The following WT1 variants were observed in gnomAD, a reference collection of about 807,000 sequenced individuals.
The protein encoded by WT1 is Wilms tumor protein.
A neutral mutation model predicts 60.8 loss-of-function variants in WT1; 8 were observed. That is an observed-to-expected ratio of 0.13 (90% CI 0.08 to 0.24). The LOEUF (loss-of-function observed/expected upper bound fraction) is 0.24, where lower values mean the gene tolerates loss of function less well. Ranked by LOEUF, WT1 falls within the 10% of genes least tolerant of loss-of-function variation. WT1 has a pLI of 1.00. For synonymous variants in WT1, 312 were observed against 297.1 expected, an observed-to-expected ratio of 1.05 and a Z score of -0.52; for missense variants, 568 against 711.8, an observed-to-expected ratio of 0.80 and a Z score of 2.30.
intron 5 of WT1, among the ~76,000 whole-genome samples, chr11:32,401,914 A>G (rs1404234631): frequency 6.6e-6 from 1 of 152,098 alleles, no homozygotes; most frequent in Non-Finnish European, 1.5e-5. Context: ...CTCTGCCTCC[A>G]TTACTCTAAC....
rs1190263054 is a variant in WT1, at chr11:32,428,559, G to A, written c.722C>T (p.Ala241Val). The A allele has an allele frequency of 6.2e-7, 1 of 1,614,008 alleles. No homozygotes were observed. The highest frequency in any genetic ancestry group is 8.5e-7 in the Non-Finnish European group (1 of 1,180,030). The change falls in exon 2 of 10, where the codon GCG becomes GTG. Residue 241 changes from alanine to valine, a missense_variant. Physicochemically the swap from Ala to Val is moderately conservative, Grantham distance 64. Around this residue, in one of 3 missense-constraint regions of WT1, gnomAD observed 523 missense variants for 565.1 expected, o/e 0.93. Transcript: ENST00000452863. ...GAATGAGTGGTTGGGGAACTGCGCC[G>A]CATGGTGCGAGGGCGTGTGACCGTA...
chr11:32,432,954 C>G (rs1202414177), intron 1 of WT1, among the ~76,000 whole-genome samples: 2 of 152,228 alleles, frequency 1.3e-5, no homozygotes, highest in African/African-American at 4.8e-5. Context: ...ACAGTGCTCT[C>G]GGATTCATTG....
At chr11:32,423,015 G>A (rs546290818) in intron 3 of WT1, among the ~76,000 whole-genome samples, 13 of 152,216 alleles carry the variant, frequency 8.5e-5, no homozygotes, top group Non-Finnish European at 1.9e-4. Flanking sequence ...TATAGTCAAG[G>A]ACTGGGGTCT....
rs192144790 is a variant in WT1 at position 32,397,473 on chromosome 11, G to A, written c.1114-1066C>T. ...TGGGACAACAGGTGAGAGTCATCAT[G>A]CCCAGCTAATTTTTTTTTTTTTTTT... On this transcript the variant is annotated intron_variant, in intron 6 of 9. Transcript: ENST00000452863. Among the ~76,000 whole-genome samples the A allele has an allele frequency of 1.7e-3, 245 of 144,898 alleles. 1 individual carries two copies. Among genetic ancestry groups the A allele is most frequent in the African/African-American group, 6.3e-3 (240 of 37,920 alleles).
rs762288656 is a variant in WT1 at position 32,435,237 on chromosome 11, C to T, written c.124G>A (p.Gly42Ser). 72 of 1,535,656 alleles carry T rather than the reference C, an allele frequency of 4.7e-5. No homozygotes were observed. Among genetic ancestry groups the T allele is most frequent in the Non-Finnish European group, 1.5e-5 (17 of 1,147,122 alleles). Reference sequence around the variant, plus strand: ...GCGCCTAACTTGGCCCAGATGCCGCCCGGGTCCCGGACTCCCTGCTGCTCT... The same window carrying T: ...GCGCCTAACTTGGCCCAGATGCCGCTCGGGTCCCGGACTCCCTGCTGCTCT... The change falls in exon 1 of 10, where the codon GGC becomes AGC. Residue 42 changes from glycine to serine, a missense_variant. By Grantham distance (56) the Gly-to-Ser change is moderately conservative. Transcript: ENST00000452863.
At chr11:32,430,491 A>AGAGAGAGAGAGAGAGGGAGG (rs757737927) in intron 1 of WT1, 2 of 1,527,770 alleles carry the variant, frequency 1.3e-6, no homozygotes, top group African/African-American at 2.9e-5. Context: ...AGAGAGAGAG[A>AGAGAGAGAGAGAGAGGGAGG]CGAAATAGAA....
At chr11:32,430,295 C>CTGAGGCCTGGCCTTCTT (rs1318600135) in intron 1 of WT1, among the ~76,000 whole-genome samples, 1 of 152,070 alleles carries the variant, frequency 6.6e-6, no homozygotes, top group Non-Finnish European at 1.5e-5. Context: ...CTTTTGAAAC[C>CTGAGGCCTGGCCTTCTT]TGAGGCCTGG....
intron 5 of WT1, among the ~76,000 whole-genome samples, chr11:32,414,519 C>T (rs113510018): frequency 1.8e-3 from 270 of 152,342 alleles, no homozygotes; most frequent in African/African-American, 6.1e-3. Context: ...AAGTGATCCA[C>T]CCACCTCAGC....
At chr11:32,403,130 T>A (rs989400386) in intron 5 of WT1, among the ~76,000 whole-genome samples, 4 of 151,596 alleles carry the variant, frequency 2.6e-5, no homozygotes, top group African/African-American at 9.7e-5. Context: ...AATATGCCAG[T>A]GGATTCTCCT....
chr11:32,429,692 A>C (rs1853205251), intron 1 of WT1, among the ~76,000 whole-genome samples: 1 of 152,108 alleles, frequency 6.6e-6, no homozygotes, highest in African/African-American at 2.4e-5. Flanking sequence ...CCTGAAGTCC[A>C]GACACAATGG....
At chr11:32,404,798 G>A (rs1477819346) in intron 5 of WT1, among the ~76,000 whole-genome samples, 5 of 152,158 alleles carry the variant, frequency 3.3e-5, no homozygotes, top group East Asian at 1.9e-4. Flanking sequence ...ACTTGGGCAC[G>A]TGTCTTGCAT....
At chr11:32,428,699 G>GT (rs536366152) in intron 1 of WT1, 80 bp from the exon 2 acceptor site, 2 of 1,370,542 alleles carry the variant, frequency 1.5e-6, no homozygotes, top group African/African-American at 5.0e-5. Context: ...AGCCACGGGC[G>GT]GGGGGGGTGT....
rs16923254 is a variant in WT1, at chr11:32,413,028, A to T, written c.1016+3462T>A. ...CATCTAATGAAAGATGTCTCCGTGG[A>T]CTTGCTTGGGATACAAGGAAACAAA... On this transcript the variant is annotated intron_variant, in intron 5 of 9. Transcript: ENST00000452863. Among the ~76,000 whole-genome samples, 508 of 152,264 alleles carry T rather than the reference A, an allele frequency of 3.3e-3. 2 individuals are homozygous for T. The highest frequency in any genetic ancestry group is 0.012 in the African/African-American group (486 of 41,552).
intron 5 of WT1, among the ~76,000 whole-genome samples, chr11:32,404,167 G>A (rs1358643199): frequency 6.6e-6 from 1 of 151,388 alleles, no homozygotes; most frequent in Non-Finnish European, 1.5e-5. Context: ...CTGCTTGGGA[G>A]GCTGAGGCAG....
intron 1 of WT1, 78 bp downstream of exon 1, chr11:32,434,622 G>A: frequency 1.2e-6 from 2 of 1,606,130 alleles, no homozygotes; most frequent in South Asian, 2.2e-5. Context: ...AAAAGGGGTA[G>A]GAGAGGGGGG....
At chr11:32,427,358 G>C (rs941927380) in intron 3 of WT1, among the ~76,000 whole-genome samples, 14 of 152,218 alleles carry the variant, frequency 9.2e-5, no homozygotes, top group Non-Finnish European at 1.9e-4. Context: ...CCGCTCACAG[G>C]AAGAAGGTCC....
chr11:32,395,343 C>T (rs944342469), intron 7 of WT1, among the ~76,000 whole-genome samples: 8 of 152,258 alleles, frequency 5.3e-5, no homozygotes, highest in African/African-American at 1.9e-4. Flanking sequence ...TGTGACATGG[C>T]TGTCCACATT....
intron 3 of WT1, among the ~76,000 whole-genome samples, chr11:32,427,280 G>A (rs1203255605): frequency 6.6e-6 from 1 of 152,250 alleles, no homozygotes; most frequent in Non-Finnish European, 1.5e-5. Context: ...AAGGTGGAGC[G>A]AGAGGCGAGA....
chr11:32,407,937 G>A lies in WT1; in HGVS notation c.1017-7893C>T, dbSNP rs1022240698. On this transcript the variant is annotated intron_variant, in intron 5 of 9. Coordinates refer to ENST00000452863, the MANE Select transcript of WT1 (RefSeq NM_024426.6). ...CGAATCAAGCCTCTAGGAAATACAG[G>A]GGAGGCCAGGCGCGGTGGATCATGC... 5.9e-5 allele frequency among the ~76,000 whole-genome samples: 9 copies of A among 152,172 alleles called. No individual in the cohort carries two copies. In the South Asian group the frequency reaches 6.2e-4, roughly 11 times the overall value.
Sources: gnomAD v4.1 joint callset for allele counts (sites outside exome capture counted in the v4.1 genomes callset) on GRCh38, gnomAD v4.1.1 for gene constraint, gnomAD v4.1.1 regional missense constraint, MANE v1.5 for transcripts, NCBI Gene and HGNC (gene_info 2026-07-23, HGNC 2026-07-21) for gene names.